The following LYRM4 variants were observed in gnomAD, a reference collection of about 807,000 sequenced individuals.
LYRM4 encodes LYR motif containing 4.
In LYRM4, 9 loss-of-function variants were observed where a neutral mutation model predicts 11.7. That is an observed-to-expected ratio of 0.77 (90% CI 0.46 to 1.34). The LOEUF (loss-of-function observed/expected upper bound fraction) is 1.34. Among genes scored for constraint, LYRM4 ranks in the 40% most tolerant of loss-of-function variants. The probability of loss-of-function intolerance (pLI) is 0.00; values close to 1 mark genes in which losing one functional copy is unlikely to be tolerated. For synonymous variants in LYRM4, 42 were observed against 40.4 expected (o/e 1.04, Z -0.15); for missense variants, 133 against 112.5 (o/e 1.18, Z -0.82).
At chr6:5,166,909 A>G (rs1316344106) in intron 2 of LYRM4, among the ~76,000 whole-genome samples, 4 of 152,204 alleles carry the variant, frequency 2.6e-5, no homozygotes, top group Admixed American at 1.3e-4. Context: ...ACTTGTCAAA[A>G]CCAAAAAGCC....
intron 2 of LYRM4, among the ~76,000 whole-genome samples, chr6:5,213,992 A>G (rs35073344): frequency 0.049 from 7,434 of 152,242 alleles, 584 homozygotes; most frequent in African/African-American, 0.16. Flanking sequence ...TCTTGCTCAG[A>G]GTGACATAGC....
chr6:5,048,150 A>G, the LYRM4 span, among the ~76,000 whole-genome samples: 8 of 152,244 alleles, frequency 5.3e-5, no homozygotes, highest in African/African-American at 1.9e-4. Flanking sequence ...TGTATTGAAT[A>G]TAGATGATAG....
intron 2 of LYRM4, among the ~76,000 whole-genome samples, chr6:5,185,519 A>G (rs1403480215): frequency 6.6e-6 from 1 of 152,234 alleles, no homozygotes; most frequent in East Asian, 1.9e-4. Context: ...GGCTGCATCA[A>G]GTGCACAGTG....
intron 2 of LYRM4, among the ~76,000 whole-genome samples, chr6:5,156,330 C>T (rs1165900778): frequency 6.6e-6 from 1 of 152,188 alleles, no homozygotes; most frequent in Non-Finnish European, 1.5e-5. Context: ...GGTGCTGGGA[C>T]CACAGGTGCC....
rs112445245 is a variant in LYRM4 at position 5,150,909 on chromosome 6, T to C, written c.208-41418A>G. On this transcript the variant is annotated intron_variant, in intron 2 of 2. Transcript: ENST00000330636. ...TTTATGAGAATGGTATAGCATTCTC[T>C]TCCATGTCTTCTTTTCTCCCTTCCT... Among the ~76,000 whole-genome samples, 556 of 152,242 alleles carry C rather than the reference T, an allele frequency of 3.7e-3. 3 individuals carry two copies. The highest frequency in any genetic ancestry group is 0.013 in the African/African-American group (532 of 41,546).
At chr6:5,151,734 G>T (rs1758100667) in intron 2 of LYRM4, among the ~76,000 whole-genome samples, 1 of 152,154 alleles carries the variant, frequency 6.6e-6, no homozygotes, top group Non-Finnish European at 1.5e-5. Context: ...TTCTCTGAAT[G>T]TTTGATTCCT....
intron 2 of LYRM4, among the ~76,000 whole-genome samples, chr6:5,179,901 G>A (rs954350002): frequency 2.6e-5 from 4 of 152,156 alleles, no homozygotes; most frequent in African/African-American, 9.7e-5. Flanking sequence ...TTAGACTATG[G>A]CTCTGCTTAT....
downstream of LYRM4, among the ~76,000 whole-genome samples, chr6:5,102,140 A>G (rs9502268): frequency 0.12 from 18,770 of 151,214 alleles, 1,378 homozygotes; most frequent in South Asian, 0.32. Flanking sequence ...AGTTTGAGCT[A>G]TTGAGCTACC....
At position 5,205,606 on chromosome 6, in the gene LYRM4, A is replaced by G. The variant is rs1243520030; in HGVS notation, c.207+11012T>C. Among the ~76,000 whole-genome samples the G allele has an allele frequency of 2.6e-5, 4 of 152,382 alleles. No homozygotes were observed. In the East Asian group the frequency reaches 7.7e-4, roughly 29 times the overall value. ...AAAATACTTTAATATTACAAAAAACATGAACAGCTATACAGACAGCAGTGA... is the reference window on the plus strand; with the variant it reads ...AAAATACTTTAATATTACAAAAAACGTGAACAGCTATACAGACAGCAGTGA... On this transcript the variant is annotated intron_variant, in intron 2 of 2. Transcript: ENST00000330636.
intron 2 of LYRM4, among the ~76,000 whole-genome samples, chr6:5,189,732 G>C (rs944953497): frequency 3.3e-5 from 5 of 152,106 alleles, no homozygotes; most frequent in African/African-American, 1.2e-4. Flanking sequence ...AGTTCAAAAA[G>C]CAAAAAAGTA....
At chr6:5,158,638 G>A (rs1261216098) in intron 2 of LYRM4, among the ~76,000 whole-genome samples, 1 of 152,016 alleles carries the variant, frequency 6.6e-6, no homozygotes, top group Admixed American at 6.6e-5. Flanking sequence ...CACCATGCCC[G>A]ACTAATGTTT....
intron 1 of LYRM4, among the ~76,000 whole-genome samples, chr6:5,244,624 A>G (rs1416640330): frequency 2.0e-5 from 3 of 152,152 alleles, no homozygotes; most frequent in Non-Finnish European, 4.4e-5. Flanking sequence ...CTCTGTGAGG[A>G]GAAGCAGTTC....
downstream of LYRM4, chr6:5,105,285 G>A (rs1762629013): frequency 6.6e-6 from 1 of 152,396 alleles, no homozygotes; most frequent in Non-Finnish European, 1.5e-5. Flanking sequence ...AGCTCGGGCT[G>A]TGCTCAGCTG....
At chr6:5,199,457 G>T (rs1376104157) in intron 2 of LYRM4, among the ~76,000 whole-genome samples, 3 of 152,154 alleles carry the variant, frequency 2.0e-5, no homozygotes, top group Non-Finnish European at 2.9e-5. Context: ...GGTGATGGTT[G>T]TGCAACTTTG....
the LYRM4 span, among the ~76,000 whole-genome samples, chr6:5,059,953 A>G: frequency 1.3e-5 from 2 of 152,158 alleles, no homozygotes; most frequent in African/African-American, 2.4e-5. Flanking sequence ...GGCATGAGAC[A>G]TGACACCTGG....
intron 2 of LYRM4, chr6:5,136,972 T>G (rs1222828153): frequency 2.7e-6 from 1 of 375,152 alleles, no homozygotes; most frequent in Non-Finnish European, 3.7e-6. Context: ...AAGGAAACAC[T>G]ACTCATTAGT....
intron 2 of LYRM4, among the ~76,000 whole-genome samples, chr6:5,182,304 A>C (rs1174520837): frequency 6.6e-6 from 1 of 152,272 alleles, no homozygotes. Flanking sequence ...TTGTAAATGT[A>C]GTAACTGGTT....
chr6:5,183,203 G>C (rs760611727), intron 2 of LYRM4, among the ~76,000 whole-genome samples: 11 of 152,164 alleles, frequency 7.2e-5, no homozygotes, highest in Non-Finnish European at 1.3e-4. Context: ...GACATGGTTG[G>C]AGGAAGAAAG....
chr6:5,107,500 C>T (rs1762696978), downstream of LYRM4: 1 of 152,276 alleles, frequency 6.6e-6, no homozygotes, highest in African/African-American at 2.4e-5. Context: ...GGTGGAAAAC[C>T]TGAGCCAGAG....
Sources: allele counts gnomAD v4.1 joint callset (sites outside exome capture counted in the v4.1 genomes callset), GRCh38; gene constraint gnomAD v4.1.1; transcripts MANE v1.5; gene names NCBI Gene and HGNC (gene_info 2026-07-23, HGNC 2026-07-21).